Variants in KCNT1 observed in about 807,000 individuals in gnomAD.
KCNT1 encodes the protein potassium sodium-activated channel subfamily T member 1.
In KCNT1, 78 loss-of-function variants were observed where a neutral mutation model predicts 147.8. That is an observed-to-expected ratio of 0.53 (90% CI 0.44 to 0.64). The LOEUF (loss-of-function observed/expected upper bound fraction) is 0.64, where lower values mean the gene tolerates loss of function less well. Ranked by LOEUF, KCNT1 falls within the 30% of genes least tolerant of loss-of-function variation. The probability of loss-of-function intolerance (pLI) is 0.00; values close to 1 mark genes in which losing one functional copy is unlikely to be tolerated. For synonymous variants in KCNT1, 867 were observed against 748.8 expected, an observed-to-expected ratio of 1.16 and a Z score of -2.58; for missense variants, 1,419 against 1,750.3, an observed-to-expected ratio of 0.81 and a Z score of 3.38.
chr9:135,786,073 C>T (rs546158461), intron 28 of KCNT1, 124 bp from the exon 29 acceptor site: 15 of 802,698 alleles, frequency 1.9e-5, no homozygotes, highest in East Asian at 1.1e-4. Flanking sequence ...CTAACACCCC[C>T]AGCTGCTCCC....
At chr9:135,745,246 G>T (rs1830765730) in intron 2 of KCNT1, among the ~76,000 whole-genome samples, 1 of 152,238 alleles carries the variant, frequency 6.6e-6, no homozygotes, top group Non-Finnish European at 1.5e-5. Context: ...TTCACAGGCA[G>T]GTTCTTCCTA....
intron 2 of KCNT1, among the ~76,000 whole-genome samples, chr9:135,740,837 AG>A (rs1415983783): frequency 6.6e-6 from 1 of 152,122 alleles, no homozygotes; most frequent in Non-Finnish European, 1.5e-5. Context: ...GGCGAGCATC[AG>A]GGTCCTCCTG....
chr9:135,784,414 G>T (rs1045402185), intron 25 of KCNT1, 121 bp from the exon 26 acceptor site: 8 of 733,154 alleles, frequency 1.1e-5, no homozygotes, highest in African/African-American at 1.7e-5. Flanking sequence ...ATGCATGAGG[G>T]GTGGCGAGCC....
Position 135,753,074 on chromosome 9 carries a change from ATGG to A in KCNT1, c.435-862_435-860del, listed in dbSNP as rs373147856. Reference sequence around the variant, plus strand: ...GATGAGTGGATGGATAGAGGGATGGATGGATGAGTGGATGGATGGAGGAATGAG... The same window carrying A: ...GATGAGTGGATGGATAGAGGGATGGAATGAGTGGATGGATGGAGGAATGAG... On this transcript the variant is annotated intron_variant, in intron 4 of 30. Coordinates refer to ENST00000371757, the MANE Select transcript of KCNT1 (RefSeq NM_020822.3). Among the ~76,000 whole-genome samples the A allele has an allele frequency of 1.7e-4, 26 of 150,378 alleles. No homozygotes were observed. The East Asian group carries it at 3.3e-3, about 19-fold the overall frequency.
At chr9:135,734,072 G>A (rs1046009132) in intron 2 of KCNT1, among the ~76,000 whole-genome samples, 17 of 152,178 alleles carry the variant, frequency 1.1e-4, no homozygotes, top group African/African-American at 3.9e-4. Context: ...TAGGCAAAGC[G>A]AGGCCCCACC....
intron 3 of KCNT1, chr9:135,750,620 G>A (rs1400618329): frequency 1.0e-5 from 5 of 499,904 alleles, no homozygotes; most frequent in South Asian, 9.8e-5. Flanking sequence ...GACTTGGGGG[G>A]TTTCCCCAGG....
intron 1 of KCNT1, among the ~76,000 whole-genome samples, chr9:135,707,517 T>TG (rs1835304902): frequency 6.6e-6 from 1 of 152,112 alleles, no homozygotes; most frequent in Admixed American, 6.5e-5. Flanking sequence ...TGTGGGCCGA[T>TG]GCAGCTGGAG....
At chr9:135,732,014 A>AGAGAGAGAGAGG (rs1836487721) in intron 2 of KCNT1, among the ~76,000 whole-genome samples, 1 of 122,510 alleles carries the variant, frequency 8.2e-6, no homozygotes, top group African/African-American at 3.1e-5. Flanking sequence ...AGAGAGAGAG[A>AGAGAGAGAGAGG]GAGAGAGAGA....
At chr9:135,774,122 G>C (rs1265081448) in intron 19 of KCNT1, among the ~76,000 whole-genome samples, 1 of 151,458 alleles carries the variant, frequency 6.6e-6, no homozygotes, top group Non-Finnish European at 1.5e-5. Context: ...GTCACGTGTG[G>C]TGTGTGTTGT....
At chr9:135,726,234 G>T (rs1361794876) in intron 2 of KCNT1, among the ~76,000 whole-genome samples, 1 of 152,212 alleles carries the variant, frequency 6.6e-6, no homozygotes, top group Non-Finnish European at 1.5e-5. Flanking sequence ...GATGCTCCCA[G>T]CCCCTCTCCA....
In KCNT1 at chr9:135,794,595, G is replaced by C. The variant is rs905575508; in HGVS notation, c.*2434G>C. 6.6e-6 allele frequency: 1 copy of C among 152,264 alleles called. No homozygotes were observed. The highest frequency in any genetic ancestry group is 1.5e-5 in the Non-Finnish European group (1 of 68,056). 9.4% of individuals were successfully genotyped at this position (152,264 alleles called of 1,614,324 possible). ...ATGCGGGCAGCCGTGGACACAGGTG[G>C]CACCCAGCGCCCAGCGGCCTGTGAA... On this transcript the variant is annotated 3_prime_UTR_variant, in exon 31 of 31. Transcript: ENST00000371757.
chr9:135,748,333 A>G (rs1242609278), intron 2 of KCNT1, among the ~76,000 whole-genome samples: 1 of 137,320 alleles, frequency 7.3e-6, no homozygotes, highest in African/African-American at 2.7e-5. Flanking sequence ...GCCCCACAGC[A>G]GCCCCACCAC....
chr9:135,714,616 CG>C lies in KCNT1; in HGVS notation c.152del (p.Gly51AlafsTer4). ...AGDGALLDTA[G>X]FKMSDLDSEV... ...GGGACGGCGCGCTCCTGGACACCGC[CG>C]GCTTCAAGATGAGCGACCTGGACTC... On this transcript the variant is annotated frameshift_variant, in exon 2 of 31. Transcript: ENST00000371757. LOFTEE classifies it high-confidence loss of function. The surrounding 1 kb of genome is among the most constrained non-coding windows in gnomAD (Gnocchi z 6.2). 1 of 1,451,442 alleles carries C rather than the reference CG, an allele frequency of 6.9e-7. No homozygotes were observed. The allele number at this position is 1,451,442 out of a possible 1,614,324, so 89.9% of individuals were successfully genotyped here.
intron 15 of KCNT1, 124 bp from the exon 16 acceptor site, chr9:135,769,823 A>G (rs1036143237): frequency 1.8e-5 from 12 of 678,224 alleles, no homozygotes; most frequent in Middle Eastern, 3.6e-4. Context: ...GAAGCCGGAC[A>G]GCAGACACGG....
intron 23 of KCNT1, 96 bp from the exon 24 acceptor site, chr9:135,779,263 G>A (rs1294262089): frequency 4.9e-5 from 12 of 245,546 alleles, no homozygotes; most frequent in East Asian, 1.6e-4. Flanking sequence ...ATGGGACCCC[G>A]CCCTGAGACC....
intron 19 of KCNT1, among the ~76,000 whole-genome samples, chr9:135,775,060 ACTGGGTC>A (rs1188559215): frequency 3.3e-5 from 5 of 152,162 alleles, no homozygotes; most frequent in Non-Finnish European, 7.4e-5. Context: ...TGCAGGACAC[ACTGGGTC>A]CTGGGTGCCA....
chr9:135,739,808 C>T (rs755722), intron 2 of KCNT1, among the ~76,000 whole-genome samples: 58,301 of 152,080 alleles, frequency 0.38, 11,413 homozygotes, highest in South Asian at 0.46. Context: ...CCTGTTTGGG[C>T]GGCTGGTTTA....
At chr9:135,746,583 A>G (rs1371605206) in intron 2 of KCNT1, among the ~76,000 whole-genome samples, 1 of 152,190 alleles carries the variant, frequency 6.6e-6, no homozygotes, top group African/African-American at 2.4e-5. Context: ...AGGGGGACGC[A>G]TTGGCTTCGT....
Position 135,759,670 on chromosome 9 carries a change from G to C in KCNT1, c.855-9G>C. The C allele has an allele frequency of 6.3e-7, 1 of 1,594,704 alleles. No individual in the cohort carries two copies. Among genetic ancestry groups the C allele is most frequent in the Non-Finnish European group, 8.6e-7 (1 of 1,168,584 alleles). On this transcript the variant is annotated splice_polypyrimidine_tract_variant and intron_variant, in intron 10 of 30. Coordinates refer to ENST00000371757, the MANE Select transcript of KCNT1 (RefSeq NM_020822.3). ...GCCCCAGGCCGCCCCTCACTGCCAG[G>C]GGTTGCAGGACCTGCGGCATCCAGC... is the stretch of plus-strand genomic sequence containing the variant.
Sources: allele counts gnomAD v4.1 joint callset (sites outside exome capture counted in the v4.1 genomes callset), GRCh38; gene constraint gnomAD v4.1.1; non-coding constraint Gnocchi (gnomAD v3.1); transcripts MANE v1.5; gene names NCBI Gene and HGNC (gene_info 2026-07-23, HGNC 2026-07-21).